Variants in SEPTIN12 observed in about 807,000 individuals in gnomAD.
SEPTIN12 encodes septin 12, also known as septin-12.
Under a neutral mutation model 37.7 loss-of-function variants are expected in SEPTIN12, and 42 were observed. That is an observed-to-expected ratio of 1.11 (90% CI 0.87 to 1.44). The LOEUF (loss-of-function observed/expected upper bound fraction) is 1.44. Among genes scored for constraint, SEPTIN12 ranks in the 40% most tolerant of loss-of-function variants. The pLI, the probability that SEPTIN12 is intolerant of heterozygous loss-of-function variation, is 0.00. For synonymous variants in SEPTIN12, 254 were observed against 196.7 expected (o/e 1.29, Z -2.44); for missense variants, 613 against 479.2 (o/e 1.28, Z -2.61).
chr16:4,781,782 T>C (rs1440137385), intron 7 of SEPTIN12, among the ~76,000 whole-genome samples: 3 of 150,920 alleles, frequency 2.0e-5, no homozygotes, highest in Non-Finnish European at 2.9e-5. Flanking sequence ...GTAGCTGGGA[T>C]TACAGGCATG....
Position 4,785,908 on chromosome 16 carries a change from T to A in SEPTIN12, c.293-20A>T. On this transcript the variant is annotated intron_variant, in intron 3 of 9. Coordinates refer to ENST00000268231, the MANE Select transcript of SEPTIN12 (RefSeq NM_144605.5). The stretch of plus-strand genomic sequence containing the variant: ...CTATGACTGTGGAGGGAGAGCAGAG[T>A]CGGGAGAGACTGGACCCAGGTGGGA... 2 of 1,388,692 alleles carry A rather than the reference T, an allele frequency of 1.4e-6. No homozygotes were observed. The highest frequency in any genetic ancestry group is 1.9e-6 in the Non-Finnish European group (2 of 1,027,314). The allele number at this position is 1,388,692 out of a possible 1,614,324, so 86.0% of individuals were successfully genotyped here.
chr16:4,789,542 G>A (rs139519777), upstream of SEPTIN12, among the ~76,000 whole-genome samples: 1,263 of 152,110 alleles, frequency 8.3e-3, 21 homozygotes, highest in African/African-American at 0.029. Flanking sequence ...TAGCCAGGAT[G>A]GTCTCGATCT....
upstream of SEPTIN12, among the ~76,000 whole-genome samples, chr16:4,791,616 G>A (rs8057261): frequency 0.064 from 9,800 of 152,112 alleles, 1,052 homozygotes; most frequent in African/African-American, 0.22. Context: ...CTGACTCACC[G>A]GAACCACTCC....
intron 7 of SEPTIN12, among the ~76,000 whole-genome samples, chr16:4,782,329 CTG>C (rs2082381600): frequency 6.6e-6 from 1 of 152,238 alleles, no homozygotes; most frequent in Non-Finnish European, 1.5e-5. Flanking sequence ...ATAGGCCGCA[CTG>C]TGTTTCCCCA....
Position 4,783,636 on chromosome 16 carries a change from G to A in SEPTIN12, c.630+13C>T. 1 of 1,613,066 alleles carries A rather than the reference G, an allele frequency of 6.2e-7. No individual in the cohort carries two copies. The highest frequency in any genetic ancestry group is 8.5e-7 in the Non-Finnish European group (1 of 1,179,214). On this transcript the variant is annotated intron_variant, in intron 6 of 9. Transcript: ENST00000268231. The stretch of plus-strand genomic sequence containing the variant: ...CCCCGCTGACCCCAGCCCTGCCCGG[G>A]CATCCAGATCACCCTGCGCCTGAAG...
At chr16:4,783,579 C>T in intron 6 of SEPTIN12, 22 bp from the exon 7 acceptor site, 1 of 1,612,156 alleles carries the variant, frequency 6.2e-7, no homozygotes, top group Non-Finnish European at 8.5e-7. Context: ...ACACAGGTGA[C>T]CTCAGCCCAC....
chr16:4,779,730 C>T lies in SEPTIN12; in HGVS notation c.783G>A (p.Arg261=). Residue 261 remains arginine, a synonymous_variant, in exon 8 of 10, where the codon AGG becomes AGA. Coordinates refer to ENST00000268231, the MANE Select transcript of SEPTIN12 (RefSeq NM_144605.5). ...GADQEHLVNG[R]CVLGRKTKWG... ...ACTTGGTCTTCCGGCCCAGGACACA[C>T]CTCCCGTTCACCAGGTGCTCTTGGT... The T allele has an allele frequency of 6.2e-7, 1 of 1,613,930 alleles. No homozygotes were observed. The highest frequency in any genetic ancestry group is 8.5e-7 in the Non-Finnish European group (1 of 1,179,830).
Position 4,777,755 on chromosome 16 carries a change from T to G in SEPTIN12, c.*42A>C, listed in dbSNP as rs757652359. 3.2e-5 allele frequency: 44 copies of G among 1,383,700 alleles called. No individual in the cohort carries two copies. The highest frequency in any genetic ancestry group is 4.2e-5 in the Non-Finnish European group (43 of 1,029,520). The allele number at this position is 1,383,700 out of a possible 1,614,324, so 85.7% of individuals were successfully genotyped here. On this transcript the variant is annotated 3_prime_UTR_variant, in exon 10 of 10. Transcript: ENST00000268231. Reference sequence around the variant, plus strand: ...TACATAGGTGTGTGTTGAGAGCCGCTGGGGACTCAGGAAGCCCAGCAGCCC... The same window carrying G: ...TACATAGGTGTGTGTTGAGAGCCGCGGGGGACTCAGGAAGCCCAGCAGCCC...
rs138270585 is a variant in SEPTIN12 at position 4,786,120 on chromosome 16, C to G, written c.167-15G>C. ...CCCGCTTTGCCCTGGGAGTGGCAAC[C>G]GGATGACAGCAGTTAGGGTGGGCGT... On this transcript the variant is annotated splice_polypyrimidine_tract_variant and intron_variant, in intron 2 of 9. Transcript: ENST00000268231. The G allele has an allele frequency of 1.1e-3, 1,751 of 1,587,828 alleles. 16 individuals are homozygous for G. In the African/African-American group the frequency reaches 0.022, roughly 20 times the overall value.
chr16:4,789,263 TG>T (rs1327279807), upstream of SEPTIN12, among the ~76,000 whole-genome samples: 3 of 152,174 alleles, frequency 2.0e-5, no homozygotes, highest in South Asian at 2.1e-4. Flanking sequence ...CCACCAACCC[TG>T]GTCTCCCAAA....
intron 7 of SEPTIN12, among the ~76,000 whole-genome samples, chr16:4,780,786 C>A (rs1225411610): frequency 6.6e-6 from 1 of 152,138 alleles, no homozygotes; most frequent in East Asian, 1.9e-4. Context: ...CAAGACCAGC[C>A]TGGTCAACAT....
At chr16:4,783,390 A>G in intron 7 of SEPTIN12, 72 bp downstream of exon 7, 1 of 1,110,620 alleles carries the variant, frequency 9.0e-7, no homozygotes, top group Non-Finnish European at 1.4e-6. Context: ...GTAGAGAAAG[A>G]TGAGTCTTTG....
chr16:4,789,560 T>C, upstream of SEPTIN12, among the ~76,000 whole-genome samples: 1 of 152,162 alleles, frequency 6.6e-6, no homozygotes, highest in Admixed American at 6.6e-5. Context: ...TCTCCTGATC[T>C]CGTGATCTGC....
intron 8 of SEPTIN12, 144 bp from the exon 9 acceptor site, chr16:4,778,281 C>A: frequency 1.2e-6 from 1 of 854,218 alleles, no homozygotes; most frequent in Non-Finnish European, 1.9e-6. Flanking sequence ...TTGGTTCATT[C>A]ATTCATTCAC....
intron 7 of SEPTIN12, among the ~76,000 whole-genome samples, chr16:4,780,038 T>C (rs9932216): frequency 0.035 from 5,381 of 151,962 alleles, 329 homozygotes; most frequent in African/African-American, 0.12. Context: ...CCCTAGGAGT[T>C]TGAGACCAGC....
rs1326905010 is a variant in SEPTIN12, at chr16:4,786,062, G to C, written c.210C>G (p.Phe70Leu). The part of the protein sequence containing the change: ...LGKSTMVNTL[F>L]KSKVWKSNPP... Reference sequence around the variant, plus strand: ...GGTTTGACTTCCACACTTTGGACTTGAACAGCGTGTTCACCATCGTGGACT... The same window carrying C: ...GGTTTGACTTCCACACTTTGGACTTCAACAGCGTGTTCACCATCGTGGACT... The change falls in exon 3 of 10, where the codon TTC becomes TTG. Residue 70 changes from phenylalanine (F) to leucine (L), a missense_variant. Transcript: ENST00000268231. 9.9e-6 allele frequency: 16 copies of C among 1,613,910 alleles called. No individual in the cohort carries two copies. The highest frequency in any genetic ancestry group is 1.1e-5 in the Non-Finnish European group (13 of 1,179,894).
At chr16:4,791,136 A>C (rs2082544556), upstream of SEPTIN12, among the ~76,000 whole-genome samples, 1 of 152,224 alleles carries the variant, frequency 6.6e-6, no homozygotes, top group Admixed American at 6.5e-5. Context: ...AAATCCTCCC[A>C]TGTGAGCGAT....
rs900167602 is a variant in SEPTIN12 at position 4,778,505 on chromosome 16, T to A, written c.824-368A>T. Among the ~76,000 whole-genome samples, 14 of 152,274 alleles carry A rather than the reference T, an allele frequency of 9.2e-5. No homozygotes were observed. The East Asian group carries it at 2.7e-3, about 29-fold the overall frequency. ...ATGGGTGCTATATCATAGGCAATAG[T>A]ATAGTATATTTCTGGCTGGGCGCGG... On this transcript the variant is annotated intron_variant, in intron 8 of 9. Transcript: ENST00000268231.
chr16:4,786,515 T>C (rs1023212678), intron 2 of SEPTIN12, among the ~76,000 whole-genome samples: 68 of 151,480 alleles, frequency 4.5e-4, no homozygotes, highest in African/African-American at 1.6e-3. Flanking sequence ...CCACCACGCC[T>C]GGCTAATTTT....
Sources: allele counts gnomAD v4.1 joint callset (sites outside exome capture counted in the v4.1 genomes callset), GRCh38; gene constraint gnomAD v4.1.1; transcripts MANE v1.5; gene names NCBI Gene and HGNC (gene_info 2026-07-23, HGNC 2026-07-21).